Variants in PCDHGA9 observed in about 807,000 individuals in gnomAD.
PCDHGA9 encodes the protein protocadherin gamma-A9.
In PCDHGA9, 37 loss-of-function variants were observed where a neutral mutation model predicts 62.5. That is an observed-to-expected ratio of 0.59 (90% CI 0.46 to 0.78). The LOEUF (loss-of-function observed/expected upper bound fraction) is 0.78. PCDHGA9 is among the 30% of genes least tolerant of loss of function. The pLI is 0.00. For synonymous variants in PCDHGA9, 459 were observed against 484.6 expected (o/e 0.95, Z 0.69); for missense variants, 1,138 against 1,166.2 (o/e 0.98, Z 0.35).
intron 1 of PCDHGA9, chr5:141,422,041 G>A (rs371079504): frequency 2.1e-5 from 34 of 1,611,632 alleles, no homozygotes; most frequent in Non-Finnish European, 2.9e-5. Flanking sequence ...GGATCCAGAC[G>A]AGGGAATCAA....
chr5:141,465,836 A>G (rs974075792), intron 1 of PCDHGA9, among the ~76,000 whole-genome samples: 1 of 151,774 alleles, frequency 6.6e-6, no homozygotes, highest in East Asian at 1.9e-4. Context: ...TAAAATTTCA[A>G]CTGAGGCTGG....
At chr5:141,460,991 A>G (rs889917939) in intron 1 of PCDHGA9, among the ~76,000 whole-genome samples, 39 of 141,522 alleles carry the variant, frequency 2.8e-4, no homozygotes, top group East Asian at 1.0e-3. Flanking sequence ...GTGTATATAT[A>G]TATATGTGTA....
In PCDHGA9 at chr5:141,414,957, G is replaced by C. The variant is rs550492051; in HGVS notation, c.2424+9581G>C. 9.2e-5 allele frequency: 148 copies of C among 1,614,018 alleles called. No homozygotes were observed. Among genetic ancestry groups the C allele is most frequent in the Non-Finnish European group, 1.2e-4 (144 of 1,180,044 alleles). ...CAGAGCCCGGCTACCTGGTGACCAA[G>C]GTGGTGGCGGTGGACAGAGACTCCG... is the stretch of plus-strand genomic sequence containing the variant. On this transcript the variant is annotated intron_variant, in intron 1 of 3. Coordinates refer to ENST00000573521, the MANE Select transcript of PCDHGA9 (RefSeq NM_018921.3).
chr5:141,507,263 T>C (rs755395344), intron 3 of PCDHGA9: 1 of 152,038 alleles, frequency 6.6e-6, no homozygotes, highest in Non-Finnish European at 1.5e-5. Flanking sequence ...AAACAGCAAG[T>C]ACTATTTCAG....
chr5:141,415,968 C>T (rs1382830747), intron 1 of PCDHGA9: 2 of 390,600 alleles, frequency 5.1e-6, no homozygotes, highest in African/African-American at 2.1e-5. Context: ...ACTCCAGCCC[C>T]TTAAGCAACC....
At chr5:141,419,674 C>A (rs372932653) in intron 1 of PCDHGA9, 1 of 1,612,938 alleles carries the variant, frequency 6.2e-7, no homozygotes, top group Non-Finnish European at 8.5e-7. Flanking sequence ...CCTGGCTGTC[C>A]TACCACGTGG....
intron 1 of PCDHGA9, among the ~76,000 whole-genome samples, chr5:141,462,783 T>C (rs1313584666): frequency 6.6e-6 from 1 of 152,236 alleles, no homozygotes; most frequent in Non-Finnish European, 1.5e-5. Flanking sequence ...CATAATTTGT[T>C]GCTTATTTGC....
intron 1 of PCDHGA9, among the ~76,000 whole-genome samples, chr5:141,437,036 G>A (rs916860661): frequency 6.6e-6 from 1 of 152,294 alleles, no homozygotes; most frequent in Middle Eastern, 3.4e-3. Flanking sequence ...ATGGATCACC[G>A]AAACCAGAAG....
At chr5:141,464,300 A>T (rs1349155102) in intron 1 of PCDHGA9, among the ~76,000 whole-genome samples, 2 of 149,898 alleles carry the variant, frequency 1.3e-5, no homozygotes, top group African/African-American at 4.9e-5. Flanking sequence ...ACTCCATTGT[A>T]TGTGCACATA....
chr5:141,408,390 C>T (rs375719639), intron 1 of PCDHGA9: 1 of 1,613,902 alleles, frequency 6.2e-7, no homozygotes, highest in East Asian at 2.2e-5. Context: ...GATGTGTCGG[C>T]TCGCAAGCTG....
At chr5:141,420,521 C>A in intron 1 of PCDHGA9, 1 of 378,418 alleles carries the variant, frequency 2.6e-6, no homozygotes, top group Non-Finnish European at 4.4e-6. Context: ...AGTAAAATAC[C>A]TTTCGGTTAA....
intron 1 of PCDHGA9, chr5:141,418,648 A>G (rs1387887578): frequency 1.2e-6 from 2 of 1,614,036 alleles, no homozygotes; most frequent in Non-Finnish European, 1.7e-6. Flanking sequence ...CCATCCTGAG[A>G]GTGAAGGCCA....
In PCDHGA9 at chr5:141,404,222, G is replaced by A. The variant is rs1407928050; in HGVS notation, c.1270G>A (p.Ala424Thr). 1 of 1,613,616 alleles carries A rather than the reference G, an allele frequency of 6.2e-7. No individual in the cohort carries two copies. Among genetic ancestry groups the A allele is most frequent in the Admixed American group, 1.7e-5 (1 of 60,000 alleles). Residue 424 changes from alanine to threonine, a missense_variant, in exon 1 of 4, where the codon GCA becomes ACA. By Grantham distance (58) the Ala-to-Thr change is moderately conservative. Coordinates refer to ENST00000573521, the MANE Select transcript of PCDHGA9 (RefSeq NM_018921.3). ...KASEYNITVTATDRGTPPLST... is the reference protein window; with the variant it reads ...KASEYNITVTTTDRGTPPLST... Reference sequence around the variant, plus strand: ...CTCAGAATATAATATCACGGTGACTGCAACAGACAGAGGAACTCCGCCCCT... The same window carrying A: ...CTCAGAATATAATATCACGGTGACTACAACAGACAGAGGAACTCCGCCCCT...
intron 1 of PCDHGA9, chr5:141,409,423 T>G: frequency 6.2e-7 from 1 of 1,614,026 alleles, no homozygotes; most frequent in Non-Finnish European, 8.5e-7. Context: ...TGGTGACAGA[T>G]GGAGCCCTGG....
At chr5:141,428,187 C>A in intron 1 of PCDHGA9, 1 of 1,439,502 alleles carries the variant, frequency 6.9e-7, no homozygotes, top group Non-Finnish European at 9.6e-7. Flanking sequence ...GGACAGCCGC[C>A]GCTCTCTGCG....
intron 1 of PCDHGA9, among the ~76,000 whole-genome samples, chr5:141,425,410 A>G (rs1283299220): frequency 2.0e-5 from 3 of 152,240 alleles, no homozygotes; most frequent in African/African-American, 7.2e-5. Flanking sequence ...TTAAGGTATA[A>G]CATATAGTCC....
chr5:141,472,980 CAA>C (rs60579131), intron 1 of PCDHGA9, among the ~76,000 whole-genome samples: 879 of 86,072 alleles, frequency 0.01, 5 homozygotes, highest in African/African-American at 0.015. Context: ...GAGTGAAACT[CAA>C]AAAAAAAAAA....
At chr5:141,454,721 A>G (rs2098797156) in intron 1 of PCDHGA9, among the ~76,000 whole-genome samples, 1 of 146,810 alleles carries the variant, frequency 6.8e-6, no homozygotes, top group South Asian at 2.2e-4. Flanking sequence ...ATTCCATATT[A>G]TATGTTATAG....
intron 1 of PCDHGA9, among the ~76,000 whole-genome samples, chr5:141,437,741 C>CTTT (rs35124340): frequency 4.2e-5 from 6 of 141,750 alleles, no homozygotes; most frequent in Admixed American, 7.0e-5. Flanking sequence ...TTGAGTTCAC[C>CTTT]TTTTTTTTTT....
Sources: allele counts gnomAD v4.1 joint callset (sites outside exome capture counted in the v4.1 genomes callset), GRCh38; gene constraint gnomAD v4.1.1; transcripts MANE v1.5; gene names NCBI Gene and HGNC (gene_info 2026-07-23, HGNC 2026-07-21).